The following PFKP variants were observed in gnomAD, a reference collection of about 807,000 sequenced individuals.
PFKP encodes ATP-dependent 6-phosphofructokinase, platelet type.
In PFKP, 101 loss-of-function variants were observed where a neutral mutation model predicts 94.3. The ratio of observed to expected loss-of-function variants is 1.07; its 90% CI spans 0.91 to 1.26. The LOEUF is 1.26. Ranked by LOEUF, PFKP falls within the 50% of genes most tolerant of loss-of-function variation. PFKP has a pLI of 0.00. For missense variants in PFKP, 1,145 were observed against 1,103.3 expected, an observed-to-expected ratio of 1.04 and a Z score of -0.53; for synonymous variants, 573 against 432.6, an observed-to-expected ratio of 1.32 and a Z score of -4.03.
rs930058964 is a variant in PFKP, at chr10:3,081,647, A to G, written c.113-741A>G. Among the ~76,000 whole-genome samples, 8 of 152,190 alleles carry G rather than the reference A, an allele frequency of 5.3e-5. No homozygotes were observed. The East Asian group carries it at 1.3e-3, about 26-fold the overall frequency. Reference sequence around the variant, plus strand: ...CCAGGCCCAGAGGTGGTTCCGAGACACTAGTGGCTTCAGCTCCCCCAAATC... The same window carrying G: ...CCAGGCCCAGAGGTGGTTCCGAGACGCTAGTGGCTTCAGCTCCCCCAAATC... On this transcript the variant is annotated intron_variant, in intron 1 of 21. Coordinates refer to ENST00000381125, the MANE Select transcript of PFKP (RefSeq NM_002627.5).
chr10:3,105,188 G>A (rs757424574), intron 6 of PFKP, 29 bp downstream of exon 6: 80 of 1,604,754 alleles, frequency 5.0e-5, no homozygotes, highest in East Asian at 4.0e-4. Context: ...TCCGGTGGAC[G>A]CGGTTCAGGT....
At chr10:3,107,968 C>G (rs994652683) in intron 8 of PFKP, 4 of 1,289,718 alleles carry the variant, frequency 3.1e-6, no homozygotes, top group Non-Finnish European at 4.0e-6. Flanking sequence ...CCCCACCTGG[C>G]TTTGCAAGTC....
Position 3,109,591 on chromosome 10 carries a change from C to T in PFKP, c.1089+111C>T, listed in dbSNP as rs75614428. 4,347 of 1,336,452 alleles carry T rather than the reference C, an allele frequency of 3.3e-3. 109 individuals carry two copies. In the African/African-American group the frequency reaches 0.056, roughly 17 times the overall value. 82.8% of individuals were successfully genotyped at this position (1,336,452 alleles called of 1,614,324 possible). A position where few individuals can be genotyped will look rare whatever the true frequency, so the allele number is the denominator to read the frequency against. On this transcript the variant is annotated intron_variant, in intron 10 of 21. Transcript: ENST00000381125. The stretch of plus-strand genomic sequence containing the variant: ...TCTCGTCGGTGCACGATGCATTACA[C>T]GGCCTTTCTGAGAAGGAGGTGAGCT...
chr10:3,104,956 A>G (rs748195283), intron 5 of PFKP, 159 bp from the exon 6 acceptor site: 4 of 705,188 alleles, frequency 5.7e-6, no homozygotes, highest in African/African-American at 5.4e-5. Flanking sequence ...TAGAAAATGG[A>G]CCATTTTTGA....
At chr10:3,088,355 C>G (rs1483197040) in intron 2 of PFKP, among the ~76,000 whole-genome samples, 1 of 152,114 alleles carries the variant, frequency 6.6e-6, no homozygotes, top group Non-Finnish European at 1.5e-5. Context: ...CATGGTATTC[C>G]ATGGTGTATA....
At chr10:3,110,713 T>C (rs1219455541) in intron 10 of PFKP, among the ~76,000 whole-genome samples, 1 of 152,142 alleles carries the variant, frequency 6.6e-6, no homozygotes, top group African/African-American at 2.4e-5. Context: ...TGTGTCTCTG[T>C]GTGTATGTAT....
Position 3,112,322 on chromosome 10 carries a change from A to G in PFKP, c.1154+36A>G, listed in dbSNP as rs2306303. On this transcript the variant is annotated intron_variant, in intron 11 of 21. Transcript: ENST00000381125. ...TTGGAGAAAGCTCTGCCCTGTCAGG[A>G]ACACACACCCCTCAGGCCCAGCCAC... The G allele has an allele frequency of 9.4e-4, 1,419 of 1,515,550 alleles. 18 individuals carry two copies. In the East Asian group the frequency reaches 0.028, roughly 30 times the overall value. 93.9% of individuals were successfully genotyped at this position (1,515,550 alleles called of 1,614,324 possible). A position where few individuals can be genotyped will look rare whatever the true frequency, so the allele number is the denominator to read the frequency against.
Position 3,093,638 on chromosome 10 carries a change from C to CTTTTTTTTTTTTTTTTTTT in PFKP, c.187-5632_187-5614dup, listed in dbSNP as rs765547765. Among the ~76,000 whole-genome samples the CTTTTTTTTTTTTTTTTTTT allele has an allele frequency of 2.3e-4, 22 of 94,058 alleles. 3 individuals carry two copies. The highest frequency in any genetic ancestry group is 1.0e-3 in the African/African-American group (22 of 21,254). The allele number at this position is 94,058 out of a possible 152,430, so 61.7% of individuals were successfully genotyped here. On this transcript the variant is annotated intron_variant, in intron 2 of 21. Coordinates refer to ENST00000381125, the MANE Select transcript of PFKP (RefSeq NM_002627.5). ...CGATAACCACAGGAACAAGCATTAT[C>CTTTTTTTTTTTTTTTTTTT]TTTTTTTTTTTTTTTTTTTTTTTGA...
intron 14 of PFKP, 26 bp from the exon 15 acceptor site, chr10:3,118,756 A>G (rs757456973): frequency 5.7e-6 from 9 of 1,579,826 alleles, no homozygotes; most frequent in Non-Finnish European, 4.3e-6. Context: ...GGTGTCTGAC[A>G]TCGTTCTCCA....
chr10:3,124,770 C>T (rs149326559), intron 16 of PFKP, among the ~76,000 whole-genome samples: 4 of 152,338 alleles, frequency 2.6e-5, no homozygotes, highest in East Asian at 3.9e-4. Flanking sequence ...TACCATGACA[C>T]GCCGAGAGCT....
Position 3,118,777 on chromosome 10 carries a change from T to C in PFKP, c.1443-5T>C. ...TGACATCGTTCTCCACGTGGCTATTTTCAGCGTTCTCCCGGGGAAGTACTT... is the reference window on the plus strand; with the variant it reads ...TGACATCGTTCTCCACGTGGCTATTCTCAGCGTTCTCCCGGGGAAGTACTT... On this transcript the variant is annotated splice_region_variant and splice_polypyrimidine_tract_variant and intron_variant, in intron 14 of 21. Transcript: ENST00000381125. 2 of 1,611,918 alleles carry C rather than the reference T, an allele frequency of 1.2e-6. No homozygotes were observed. The highest frequency in any genetic ancestry group is 1.1e-5 in the South Asian group (1 of 90,884).
rs767179464 is a variant in PFKP at position 3,129,905 on chromosome 10, G to A, written c.1770G>A (p.Leu590=). 8.1e-6 allele frequency: 13 copies of A among 1,612,882 alleles called. No individual in the cohort carries two copies. Among genetic ancestry groups the A allele is most frequent in the Admixed American group, 3.3e-5 (2 of 59,886 alleles). The change falls in exon 17 of 22, where the codon CTG becomes CTA. Residue 590 remains leucine, a synonymous_variant. Coordinates refer to ENST00000381125, the MANE Select transcript of PFKP (RefSeq NM_002627.5). ...IETMGGYCGY[L]ANMGGLAAGA... ...CCATGGGCGGCTACTGTGGCTACCT[G>A]GCCAACATGGGGGGGCTCGCGGCCG...
chr10:3,107,706 C>T (rs1835776864), intron 8 of PFKP: 2 of 982,156 alleles, frequency 2.0e-6, no homozygotes, highest in Non-Finnish European at 2.4e-6. Context: ...CTTGCTATTC[C>T]CTGTGCCCTC....
chr10:3,110,930 G>A (rs910530083), intron 10 of PFKP, among the ~76,000 whole-genome samples: 1 of 151,994 alleles, frequency 6.6e-6, no homozygotes, highest in African/African-American at 2.4e-5. Context: ...GTGTGTGCAT[G>A]TTTTTGTGAG....
At chr10:3,100,973 C>T (rs1452486160) in intron 3 of PFKP, 2 of 1,612,208 alleles carry the variant, frequency 1.2e-6, no homozygotes, top group Non-Finnish European at 1.7e-6. Flanking sequence ...CACACCGCTT[C>T]CCTTGTCCTG....
intron 15 of PFKP, 112 bp from the exon 16 acceptor site, chr10:3,119,780 C>CTAT: frequency 3.6e-6 from 2 of 558,080 alleles, no homozygotes; most frequent in South Asian, 5.0e-5. Context: ...TCGTGATGCC[C>CTAT]CAGTGTGCTC....
chr10:3,102,131 G>C (rs946657084), intron 4 of PFKP, among the ~76,000 whole-genome samples: 2 of 148,242 alleles, frequency 1.3e-5, no homozygotes, highest in East Asian at 2.0e-4. Flanking sequence ...GGCGCCTGTA[G>C]TCCCAGCTAC....
In PFKP at chr10:3,118,886, C is replaced by T. The variant is rs200987969; in HGVS notation, c.1530+17C>T. The stretch of plus-strand genomic sequence containing the variant: ...GGATTCGAGGTACGTTACCGTTTCT[C>T]TCTTGCCGGTCTTGCAGGTGTGAGC... On this transcript the variant is annotated intron_variant, in intron 15 of 21. Transcript: ENST00000381125. The T allele has an allele frequency of 1.1e-5, 18 of 1,600,462 alleles. No homozygotes were observed. In the African/African-American group the frequency reaches 2.1e-4, roughly 19 times the overall value.
intron 5 of PFKP, 88 bp from the exon 6 acceptor site, chr10:3,105,027 T>C (rs1835396418): frequency 7.9e-7 from 1 of 1,265,120 alleles, no homozygotes; most frequent in Non-Finnish European, 1.1e-6. Context: ...TTCTCTGCTT[T>C]CTGAGCTGTT....
Sources: allele counts gnomAD v4.1 joint callset (sites outside exome capture counted in the v4.1 genomes callset), GRCh38; gene constraint gnomAD v4.1.1; transcripts MANE v1.5; gene names NCBI Gene and HGNC (gene_info 2026-07-23, HGNC 2026-07-21).